Variants in TANC2 observed in about 807,000 individuals in gnomAD.
TANC2 encodes the protein protein TANC2.
TANC2 carries 26 observed loss-of-function variants against 210.5 expected under a neutral mutation model. That is an observed-to-expected ratio of 0.12 (90% CI 0.09 to 0.17). The LOEUF is 0.17. Among genes scored for constraint, TANC2 ranks in the 10% least tolerant of loss-of-function variants. The probability of loss-of-function intolerance (pLI) is 1.00; values close to 1 mark genes in which losing one functional copy is unlikely to be tolerated. For missense variants in TANC2, 2,129 were observed against 2,608.9 expected (o/e 0.82, Z 4.01); for synonymous variants, 931 against 967.1 (o/e 0.96, Z 0.69).
intron 8 of TANC2, among the ~76,000 whole-genome samples, chr17:63,254,618 A>G (rs1365199791): frequency 6.6e-6 from 1 of 152,108 alleles, no homozygotes; most frequent in Non-Finnish European, 1.5e-5. Context: ...AGTCTGTCGT[A>G]TATGTCTTTT....
chr17:63,167,312 A>G (rs760401076), intron 5 of TANC2, among the ~76,000 whole-genome samples: 26 of 152,312 alleles, frequency 1.7e-4, no homozygotes, highest in Middle Eastern at 3.4e-3. Context: ...AAATACTCAA[A>G]AATGATAATA....
At chr17:63,005,694 T>C (rs1396186443) in intron 1 of TANC2, among the ~76,000 whole-genome samples, 3 of 152,182 alleles carry the variant, frequency 2.0e-5, no homozygotes, top group Middle Eastern at 3.2e-3. Flanking sequence ...TGTGTCTATG[T>C]TCATGAGGTA....
In TANC2 at chr17:63,237,973, C is replaced by G. The variant is rs548539914; in HGVS notation, c.929C>G (p.Thr310Ser). 1.9e-6 allele frequency: 3 copies of G among 1,585,588 alleles called. No homozygotes were observed. The East Asian group carries it at 6.8e-5, about 36-fold the overall frequency. Reference sequence around the variant, plus strand: ...GTAGATGAAAACATGACTGCTTCCACCTATAGTCTGAATAAGATCCCAGAG... The same window carrying G: ...GTAGATGAAAACATGACTGCTTCCAGCTATAGTCTGAATAAGATCCCAGAG... Residue 310 changes from threonine to serine, a missense_variant, in exon 8 of 28, where the codon ACC (threonine) becomes AGC (serine). Physicochemically the swap from Thr to Ser is moderately conservative, Grantham distance 58 (BLOSUM62 1). Transcript: ENST00000689528.
intron 4 of TANC2, 93 bp from the exon 5 acceptor site, chr17:63,151,177 C>A: frequency 1.9e-6 from 1 of 535,594 alleles, no homozygotes; most frequent in Non-Finnish European, 2.4e-6. Context: ...TCCCTTTTTC[C>A]TTCTCTTTCC....
chr17:63,326,171 G>A (rs2045637949), intron 11 of TANC2, among the ~76,000 whole-genome samples: 1 of 152,158 alleles, frequency 6.6e-6, no homozygotes, highest in South Asian at 2.1e-4. Flanking sequence ...AAAACGGTGT[G>A]TTTCTAGTAT....
At chr17:63,162,089 G>A (rs575582963) in intron 5 of TANC2, among the ~76,000 whole-genome samples, 60 of 152,196 alleles carry the variant, frequency 3.9e-4, no homozygotes, top group African/African-American at 1.3e-3. Context: ...AGGATCATTC[G>A]AGGCCGGGAG....
At chr17:63,176,428 G>A (rs779713325) in intron 5 of TANC2, among the ~76,000 whole-genome samples, 50 of 152,092 alleles carry the variant, frequency 3.3e-4, no homozygotes, top group Non-Finnish European at 5.9e-4. Context: ...AACCAGACTA[G>A]AATACATACT....
At chr17:63,408,830 G>C (rs1015892443) in intron 21 of TANC2, among the ~76,000 whole-genome samples, 2 of 152,212 alleles carry the variant, frequency 1.3e-5, no homozygotes, top group African/African-American at 4.8e-5. Flanking sequence ...AAGTGTCCTG[G>C]TGCAGTAAGT....
chr17:63,340,405 A>G (rs2046189288), intron 12 of TANC2, 73 bp downstream of exon 12: 1 of 1,271,648 alleles, frequency 7.9e-7, no homozygotes. Context: ...TACTATAAAA[A>G]TGATTGATTT....
At chr17:63,143,260 A>G (rs1207369358) in intron 4 of TANC2, among the ~76,000 whole-genome samples, 1 of 152,144 alleles carries the variant, frequency 6.6e-6, no homozygotes. Flanking sequence ...GTATCCCAAT[A>G]CTCTCAGATG....
intron 4 of TANC2, among the ~76,000 whole-genome samples, chr17:63,139,582 G>A (rs2039213161): frequency 6.6e-6 from 1 of 152,108 alleles, no homozygotes; most frequent in Admixed American, 6.6e-5. Flanking sequence ...TTCTAGCCTG[G>A]GCAACAAGAG....
chr17:63,147,760 T>G (rs2039512570), intron 4 of TANC2, among the ~76,000 whole-genome samples: 2 of 152,232 alleles, frequency 1.3e-5, no homozygotes. Flanking sequence ...TAGACCATTT[T>G]GATTTGGATA....
intron 2 of TANC2, among the ~76,000 whole-genome samples, chr17:63,032,656 A>G (rs2034819519): frequency 6.6e-6 from 1 of 152,192 alleles, no homozygotes; most frequent in Non-Finnish European, 1.5e-5. Flanking sequence ...AAAAATACTT[A>G]TCAAGTGCTT....
intron 11 of TANC2, chr17:63,332,315 C>T: frequency 3.0e-6 from 1 of 330,678 alleles, no homozygotes. Flanking sequence ...CCTGCTATTC[C>T]TTGACCCTTA....
At chr17:63,047,084 A>G (rs927058052) in intron 2 of TANC2, among the ~76,000 whole-genome samples, 5 of 152,166 alleles carry the variant, frequency 3.3e-5, no homozygotes, top group African/African-American at 1.2e-4. Context: ...TGAAATTTTT[A>G]TATCTTCATA....
intron 5 of TANC2, among the ~76,000 whole-genome samples, chr17:63,186,827 A>T (rs895836376): frequency 2.0e-5 from 3 of 152,218 alleles, no homozygotes; most frequent in Non-Finnish European, 4.4e-5. Context: ...ACAAATTTAA[A>T]TAGTTTTAAT....
chr17:63,044,737 C>G (rs1303989447), intron 2 of TANC2, among the ~76,000 whole-genome samples: 1 of 152,058 alleles, frequency 6.6e-6, no homozygotes, highest in Non-Finnish European at 1.5e-5. Flanking sequence ...ATCCAGTAGT[C>G]ATATGGTCAG....
chr17:63,306,467 A>G (rs928450012), intron 9 of TANC2, among the ~76,000 whole-genome samples: 7 of 152,184 alleles, frequency 4.6e-5, no homozygotes, highest in African/African-American at 1.7e-4. Context: ...AGCCTTTACT[A>G]TGTACCCCAG....
At chr17:63,206,437 G>A (rs1434864320) in intron 7 of TANC2, among the ~76,000 whole-genome samples, 1 of 152,124 alleles carries the variant, frequency 6.6e-6, no homozygotes, top group Non-Finnish European at 1.5e-5. Context: ...CGGCCAAAAA[G>A]TGGAAATAAT....
Sources: gnomAD v4.1 joint callset for allele counts (sites outside exome capture counted in the v4.1 genomes callset) on GRCh38, gnomAD v4.1.1 for gene constraint, MANE v1.5 for transcripts, NCBI Gene and HGNC (gene_info 2026-07-23, HGNC 2026-07-21) for gene names.